ADCY8: variants seen among roughly 807,000 people sequenced by gnomAD.
ADCY8 encodes the protein adenylate cyclase 8.
Under a neutral mutation model 119.7 loss-of-function variants are expected in ADCY8, and 51 were observed. The observed-to-expected ratio is 0.43, with a 90% CI of 0.34 to 0.54. ADCY8 has a LOEUF of 0.54. Among genes scored for constraint, ADCY8 ranks in the 20% least tolerant of loss-of-function variants. The pLI is 0.03. For missense variants in ADCY8, 1,383 were observed against 1,598.8 expected (o/e 0.87, Z 2.30); for synonymous variants, 665 against 651.0 (o/e 1.02, Z -0.33).
At chr8:130,871,322 TCA>T (rs1818346464) in intron 8 of ADCY8, among the ~76,000 whole-genome samples, 1 of 152,214 alleles carries the variant, frequency 6.6e-6, no homozygotes, top group African/African-American at 2.4e-5. Flanking sequence ...CTTTTATATC[TCA>T]GTTGTGAGCA....
At chr8:130,878,143 C>A (rs1420602093) in intron 8 of ADCY8, among the ~76,000 whole-genome samples, 1 of 152,214 alleles carries the variant, frequency 6.6e-6, no homozygotes, top group Non-Finnish European at 1.5e-5. Flanking sequence ...TGCTTTGTAT[C>A]ACCCAACCGG....
intron 2 of ADCY8, among the ~76,000 whole-genome samples, chr8:130,974,484 C>T (rs1313775781): frequency 6.6e-6 from 1 of 152,152 alleles, no homozygotes; most frequent in East Asian, 1.9e-4. Context: ...GGATCATACC[C>T]AGCAGGCAAA....
intron 1 of ADCY8, among the ~76,000 whole-genome samples, chr8:131,014,526 AT>A (rs147750721): frequency 8.6e-5 from 13 of 152,002 alleles, no homozygotes; most frequent in South Asian, 4.2e-4. Context: ...CTATTTTACC[AT>A]TTTTTTTAAA....
chr8:130,971,121 G>A (rs1243988673), intron 2 of ADCY8, among the ~76,000 whole-genome samples: 1 of 152,126 alleles, frequency 6.6e-6, no homozygotes, highest in Non-Finnish European at 1.5e-5. Flanking sequence ...TACAGTAGGA[G>A]CCCAATAAAC....
At chr8:131,005,591 C>G (rs146953179) in intron 1 of ADCY8, among the ~76,000 whole-genome samples, 64 of 152,336 alleles carry the variant, frequency 4.2e-4, no homozygotes, top group African/African-American at 1.5e-3. Context: ...TGGACTGTAT[C>G]TATCAAGTTT....
intron 9 of ADCY8, among the ~76,000 whole-genome samples, chr8:130,860,344 C>A (rs1173069923): frequency 2.6e-5 from 4 of 152,148 alleles, no homozygotes; most frequent in Admixed American, 1.3e-4. Flanking sequence ...TTCTTCTGGT[C>A]TGTGGTTTGT....
chr8:130,795,443 T>A (rs1202008834), intron 15 of ADCY8, among the ~76,000 whole-genome samples: 1 of 152,236 alleles, frequency 6.6e-6, no homozygotes, highest in Non-Finnish European at 1.5e-5. Flanking sequence ...AGCTGCACAC[T>A]CGCGAAGCCG....
At chr8:130,834,094 A>G (rs1816916991) in intron 12 of ADCY8, among the ~76,000 whole-genome samples, 1 of 152,218 alleles carries the variant, frequency 6.6e-6, no homozygotes, top group Non-Finnish European at 1.5e-5. Flanking sequence ...TGCATATGTT[A>G]ATTAGCTTGA....
At chr8:130,974,612 G>A (rs1822016856) in intron 2 of ADCY8, among the ~76,000 whole-genome samples, 1 of 152,132 alleles carries the variant, frequency 6.6e-6, no homozygotes, top group Admixed American at 6.5e-5. Flanking sequence ...AAATCATCAA[G>A]TAAAATGAAC....
At chr8:130,910,809 C>T (rs1819958543) in intron 5 of ADCY8, among the ~76,000 whole-genome samples, 2 of 152,182 alleles carry the variant, frequency 1.3e-5, no homozygotes, top group Admixed American at 6.5e-5. Context: ...GGATGATTTC[C>T]TGTAGTCATG....
intron 10 of ADCY8, among the ~76,000 whole-genome samples, chr8:130,848,750 A>G (rs1203938534): frequency 6.6e-6 from 1 of 152,192 alleles, no homozygotes; most frequent in Non-Finnish European, 1.5e-5. Flanking sequence ...TCAAAAATCT[A>G]GCTGCCTGAG....
chr8:130,841,595 A>G (rs1460692217), intron 11 of ADCY8, among the ~76,000 whole-genome samples: 1 of 152,232 alleles, frequency 6.6e-6, no homozygotes, highest in African/African-American at 2.4e-5. Context: ...TTGGCAATAT[A>G]TGCACAATTT....
chr8:130,957,369 A>T (rs1821461346), intron 2 of ADCY8, among the ~76,000 whole-genome samples: 1 of 152,154 alleles, frequency 6.6e-6, no homozygotes, highest in African/African-American at 2.4e-5. Context: ...AAGGGAAGAA[A>T]TTTTTAAGCA....
intron 11 of ADCY8, among the ~76,000 whole-genome samples, chr8:130,846,593 T>TCCTTCCTCCCTCCCTC (rs1817307071): frequency 8.5e-6 from 1 of 117,292 alleles, no homozygotes; most frequent in African/African-American, 3.4e-5. Context: ...CTCCCTCCCT[T>TCCTTCCTCCCTCCCTC]CCTTCCTCCC....
At chr8:130,976,168 T>G (rs1199720123) in intron 2 of ADCY8, among the ~76,000 whole-genome samples, 1 of 152,178 alleles carries the variant, frequency 6.6e-6, no homozygotes, top group Non-Finnish European at 1.5e-5. Flanking sequence ...TTGTGGGTCC[T>G]GAGACTTAAA....
chr8:130,886,174 A>AGGGC (rs1299005772), intron 7 of ADCY8, among the ~76,000 whole-genome samples: 18 of 152,232 alleles, frequency 1.2e-4, no homozygotes, highest in African/African-American at 4.3e-4. Flanking sequence ...ATTCTATAGC[A>AGGGC]AGGCTCATCA....
At chr8:130,881,353 G>T (rs2130448246) in intron 8 of ADCY8, among the ~76,000 whole-genome samples, 1 of 152,300 alleles carries the variant, frequency 6.6e-6, no homozygotes, top group East Asian at 1.9e-4. Context: ...GGGAATGTGT[G>T]AATGATATTT....
chr8:130,937,119 C>T lies in ADCY8; in HGVS notation c.1435G>A (p.Ala479Thr). ...SGLPEPRQDH[A>T]HCCVEMGLSM... ...AGACCCATTTCAACACAGCAGTGGG[C>T]ATGGTCCTGGCGGGGCTCAGGAAGT... Residue 479 changes from alanine to threonine, a missense_variant, in exon 5 of 18, where the codon GCC (alanine) becomes ACC (threonine). This residue lies in a region of ADCY8 where 928 missense variants were observed against 1,163.5 expected (regional missense o/e 0.80). Coordinates refer to ENST00000286355, the MANE Select transcript of ADCY8 (RefSeq NM_001115.3). 6.2e-7 allele frequency: 1 copy of T among 1,613,860 alleles called. No individual in the cohort carries two copies. The highest frequency in any genetic ancestry group is 8.5e-7 in the Non-Finnish European group (1 of 1,179,864).
chr8:130,855,030 C>T (rs1000435347), intron 9 of ADCY8, among the ~76,000 whole-genome samples: 4 of 151,036 alleles, frequency 2.6e-5, no homozygotes, highest in Admixed American at 1.3e-4. Context: ...GTCTTTCCTT[C>T]GTTTACCCTT....
Sources: gnomAD v4.1 joint callset for allele counts (sites outside exome capture counted in the v4.1 genomes callset) on GRCh38, gnomAD v4.1.1 for gene constraint, gnomAD v4.1.1 regional missense constraint, MANE v1.5 for transcripts, NCBI Gene and HGNC (gene_info 2026-07-23, HGNC 2026-07-21) for gene names.